Variants in CDKL5 observed in about 807,000 individuals in gnomAD.
CDKL5 encodes the protein cyclin dependent kinase like 5.
A neutral mutation model predicts 61.7 loss-of-function variants in CDKL5; 8 were observed. The ratio of observed to expected loss-of-function variants is 0.13; its 90% confidence interval spans 0.08 to 0.23. The LOEUF is 0.23. Ranked by LOEUF, CDKL5 falls within the 10% of genes least tolerant of loss-of-function variation. CDKL5 has a pLI of 1.00. For missense variants in CDKL5, 440 were observed against 734.5 expected (o/e 0.60, Z 4.63); for synonymous variants, 275 against 272.3 (o/e 1.01, Z -0.10).
In CDKL5 at chrX:18,518,385, C is replaced by T. The variant is rs199995201; in HGVS notation, c.99+7531C>T. Reference sequence around the variant, plus strand: ...ATAAAGTCATGTTTTCTTTTCTTTTCTTATTTTTTTTTTTTTTTTTTTTTT... The same window carrying T: ...ATAAAGTCATGTTTTCTTTTCTTTTTTTATTTTTTTTTTTTTTTTTTTTTT... On this transcript the variant is annotated intron_variant, in intron 3 of 17. Coordinates refer to ENST00000623535, the MANE Select transcript of CDKL5 (RefSeq NM_001323289.2). Among the ~76,000 whole-genome samples, 98 of 22,559 alleles carry T rather than the reference C, an allele frequency of 4.3e-3. 1 individual carries two copies. The highest frequency in any genetic ancestry group is 0.027 in the East Asian group (19 of 700). The allele number at this position is 22,559 out of a possible 115,157, so 19.6% of individuals were successfully genotyped here.
intron 3 of CDKL5, among the ~76,000 whole-genome samples, chrX:18,511,090 A>T (rs751531623): frequency 3.4e-4 from 38 of 111,731 alleles, no homozygotes; most frequent in South Asian, 3.7e-4. Flanking sequence ...ATATATACTT[A>T]ATACATATAG....
intron 1 of CDKL5, among the ~76,000 whole-genome samples, chrX:18,504,790 G>A (rs1423311836): frequency 1.8e-5 from 2 of 109,994 alleles, no homozygotes; most frequent in African/African-American, 3.3e-5. Flanking sequence ...AAAATTAGCC[G>A]GGCATGGTGG....
intron 3 of CDKL5, among the ~76,000 whole-genome samples, chrX:18,564,256 C>T (rs1924890833): frequency 9.0e-6 from 1 of 110,906 alleles, no homozygotes; most frequent in Non-Finnish European, 1.9e-5. Context: ...TGCTCCACAC[C>T]CTCTCCCTTT....
At chrX:18,608,657 G>A (rs1040705047) in intron 12 of CDKL5, among the ~76,000 whole-genome samples, 154 bp from the exon 13 acceptor site, 4 of 111,694 alleles carry the variant, frequency 3.6e-5, no homozygotes, top group African/African-American at 1.3e-4. Context: ...ACATTCATCA[G>A]ATTATTCACT....
chrX:18,481,861 G>C (rs909079453), intron 1 of CDKL5, among the ~76,000 whole-genome samples: 1 of 110,710 alleles, frequency 9.0e-6, no homozygotes, highest in Non-Finnish European at 1.9e-5. Context: ...AGCTCTGCTT[G>C]ACCGGAATAG....
intron 1 of CDKL5, among the ~76,000 whole-genome samples, chrX:18,428,589 T>C (rs894970931): frequency 9.8e-5 from 11 of 112,065 alleles, no homozygotes; most frequent in African/African-American, 3.6e-4. Flanking sequence ...TTCACATGCA[T>C]AGATCTAAAA....
downstream of CDKL5, chrX:18,641,846 A>C (rs1236199465): frequency 4.2e-6 from 2 of 471,556 alleles, no homozygotes; most frequent in Non-Finnish European, 7.1e-6. Flanking sequence ...TGAAATCAGA[A>C]AGCTATATCT....
At chrX:18,570,186 G>C (rs1925093037) in intron 4 of CDKL5, among the ~76,000 whole-genome samples, 1 of 111,268 alleles carries the variant, frequency 9.0e-6, no homozygotes, top group Admixed American at 9.6e-5. Flanking sequence ...ATTTCTGTGT[G>C]AAAGAGGCCT....
chrX:18,484,391 C>T (rs1292031148), intron 1 of CDKL5, among the ~76,000 whole-genome samples: 2 of 110,244 alleles, frequency 1.8e-5, no homozygotes, highest in African/African-American at 3.3e-5. Context: ...GATCTCGGCT[C>T]GCTGTAACCT....
intron 5 of CDKL5, among the ~76,000 whole-genome samples, chrX:18,575,828 G>C (rs1307367214): frequency 9.0e-6 from 1 of 111,696 alleles, no homozygotes; most frequent in Non-Finnish European, 1.9e-5. Context: ...TGATGGTACA[G>C]GCTGGAAGAG....
intron 16 of CDKL5, among the ~76,000 whole-genome samples, chrX:18,620,528 G>A (rs1327138893): frequency 9.0e-6 from 1 of 110,823 alleles, no homozygotes; most frequent in Non-Finnish European, 1.9e-5. Flanking sequence ...CTTATCTCCT[G>A]GGAGCCCTTT....
At position 18,588,102 on chromosome X, in the gene CDKL5, A is replaced by G. The variant is rs1925703356; in HGVS notation, c.703A>G (p.Met235Val). The change falls in exon 9 of 18, where the codon ATG becomes GTG. Residue 235 changes from methionine to valine, a missense_variant. Met to Val is a conservative substitution (Grantham distance 21). Around this residue, in one of 2 missense-constraint regions of CDKL5, gnomAD observed 77 missense variants for 218.2 expected, o/e 0.35. Coordinates refer to ENST00000623535, the MANE Select transcript of CDKL5 (RefSeq NM_001323289.2). ...GCTAGGACCACTTCCATCTGAGCAGATGAAGCTTTTCTACAGTAATCCTCG... is the reference window on the plus strand; with the variant it reads ...GCTAGGACCACTTCCATCTGAGCAGGTGAAGCTTTTCTACAGTAATCCTCG... Reference protein sequence around the residue: ...KVLGPLPSEQMKLFYSNPRFH... With the variant: ...KVLGPLPSEQVKLFYSNPRFH... 8 of 1,210,959 alleles carry G rather than the reference A, an allele frequency of 6.6e-6. No homozygotes were observed. Among genetic ancestry groups the G allele is most frequent in the Non-Finnish European group, 8.9e-6 (8 of 895,124 alleles).
rs757330764 is a variant in CDKL5 at position 18,525,833 on chromosome X, G to A, written c.99+14979G>A. 1.2e-4 allele frequency among the ~76,000 whole-genome samples: 12 copies of A among 99,370 alleles called. No homozygotes were observed. The East Asian group carries it at 3.5e-3, about 29-fold the overall frequency. The allele number at this position is 99,370 out of a possible 115,157, so 86.3% of individuals were successfully genotyped here. ...GCGATCTCGGCCCACTGCAACCTCCGCCTCCTGGGCTCAAGCGCTTCTCCT... is the reference window on the plus strand; with the variant it reads ...GCGATCTCGGCCCACTGCAACCTCCACCTCCTGGGCTCAAGCGCTTCTCCT... On this transcript the variant is annotated intron_variant, in intron 3 of 17. Coordinates refer to ENST00000623535, the MANE Select transcript of CDKL5 (RefSeq NM_001323289.2).
chrX:18,640,454 A>G (rs1191180572), downstream of CDKL5: 2 of 13,453 alleles, frequency 1.5e-4, no homozygotes, highest in Non-Finnish European at 3.2e-4. Flanking sequence ...CCCACCCCCA[A>G]CACCCTGTGT....
intron 3 of CDKL5, among the ~76,000 whole-genome samples, chrX:18,531,998 G>A (rs1923665786): frequency 8.9e-6 from 1 of 111,984 alleles, no homozygotes; most frequent in African/African-American, 3.2e-5. Flanking sequence ...GAGCCACCGC[G>A]CCCGGCCAGG....
At chrX:18,537,960 G>T (rs1451813027) in intron 3 of CDKL5, among the ~76,000 whole-genome samples, 1 of 111,910 alleles carries the variant, frequency 8.9e-6, no homozygotes, top group Non-Finnish European at 1.9e-5. Flanking sequence ...GTGCTCAAGA[G>T]TGCAGTTGCT....
intron 14 of CDKL5, among the ~76,000 whole-genome samples, chrX:18,612,820 C>T (rs1201215137): frequency 1.8e-5 from 2 of 111,063 alleles, no homozygotes; most frequent in African/African-American, 6.5e-5. Flanking sequence ...AATGCCTTCA[C>T]CCTCAGAAAA....
chrX:18,482,115 G>A (rs1921605554), intron 1 of CDKL5, among the ~76,000 whole-genome samples: 1 of 111,284 alleles, frequency 9.0e-6, no homozygotes, highest in Non-Finnish European at 1.9e-5. Context: ...CATGTCCTTA[G>A]GGCAATTTCT....
chrX:18,554,572 C>T (rs780521970), intron 3 of CDKL5, among the ~76,000 whole-genome samples: 2 of 108,563 alleles, frequency 1.8e-5, no homozygotes, highest in Non-Finnish European at 3.8e-5. Context: ...CTCACCACCA[C>T]GCCAGGCTAA....
Sources: gnomAD v4.1 joint callset for allele counts (sites outside exome capture counted in the v4.1 genomes callset) on GRCh38, gnomAD v4.1.1 for gene constraint, gnomAD v4.1.1 regional missense constraint, MANE v1.5 for transcripts, NCBI Gene and HGNC (gene_info 2026-07-23, HGNC 2026-07-21) for gene names.